Variants in ZNF131 observed in about 807,000 individuals in gnomAD.
ZNF131 encodes the protein zinc finger and BTB domain containing 35.
A neutral mutation model predicts 60.0 loss-of-function variants in ZNF131; 7 were observed. The ratio of observed to expected loss-of-function variants is 0.12; its 90% CI spans 0.07 to 0.22. The LOEUF (loss-of-function observed/expected upper bound fraction) is 0.22, where lower values mean the gene tolerates loss of function less well. Ranked by LOEUF, ZNF131 falls within the 10% of genes least tolerant of loss-of-function variation. ZNF131 has a pLI of 1.00. For missense variants in ZNF131, 493 were observed against 740.9 expected (o/e 0.67, Z 3.88); for synonymous variants, 257 against 253.2 (o/e 1.01, Z -0.14).
At chr5:43,128,994 T>G (rs1204987844) in intron 3 of ZNF131, among the ~76,000 whole-genome samples, 1 of 152,112 alleles carries the variant, frequency 6.6e-6, no homozygotes, top group Non-Finnish European at 1.5e-5. Flanking sequence ...TGCAGTGTGG[T>G]GTGATCTTGG....
chr5:43,174,101 G>A (rs1486975352), intron 6 of ZNF131, among the ~76,000 whole-genome samples: 4 of 152,274 alleles, frequency 2.6e-5, no homozygotes, highest in South Asian at 4.1e-4. Flanking sequence ...GGTGGCAGAT[G>A]CCTGTAATCC....
chr5:43,165,679 C>T (rs1402342094), intron 5 of ZNF131, among the ~76,000 whole-genome samples: 1 of 152,206 alleles, frequency 6.6e-6, no homozygotes, highest in Non-Finnish European at 1.5e-5. Context: ...TAATAAGATT[C>T]TTAGGGACCC....
intron 5 of ZNF131, among the ~76,000 whole-genome samples, chr5:43,169,196 T>A (rs1750690620): frequency 6.6e-6 from 1 of 152,220 alleles, no homozygotes; most frequent in Non-Finnish European, 1.5e-5. Context: ...GGGCTTTTCT[T>A]GTCTGTGTAA....
intron 4 of ZNF131, among the ~76,000 whole-genome samples, chr5:43,157,489 G>A (rs1749106324): frequency 6.6e-6 from 1 of 151,064 alleles, no homozygotes; most frequent in Non-Finnish European, 1.5e-5. Flanking sequence ...GGGCAGACAT[G>A]GTACCAGATT....
intron 5 of ZNF131, among the ~76,000 whole-genome samples, chr5:43,168,672 T>C (rs1429492879): frequency 6.6e-6 from 1 of 152,164 alleles, no homozygotes; most frequent in African/African-American, 2.4e-5. Context: ...TCTCATCAGA[T>C]TGATATTCTA....
chr5:43,138,529 GTAATCC>G, intron 3 of ZNF131, among the ~76,000 whole-genome samples: 1 of 152,324 alleles, frequency 6.6e-6, no homozygotes, highest in South Asian at 2.1e-4. Flanking sequence ...GTACATGCCT[GTAATCC>G]CAGCAGCTCG....
intron 5 of ZNF131, among the ~76,000 whole-genome samples, chr5:43,166,116 T>C (rs1750312269): frequency 6.6e-6 from 1 of 152,240 alleles, no homozygotes; most frequent in African/African-American, 2.4e-5. Context: ...AATGTTTGTT[T>C]CGTTTAATCT....
intron 3 of ZNF131, among the ~76,000 whole-genome samples, chr5:43,130,649 C>T (rs944492710): frequency 3.3e-5 from 5 of 152,024 alleles, no homozygotes; most frequent in African/African-American, 9.7e-5. Context: ...ACCGCAACCT[C>T]CGCCTCCCGG....
At chr5:43,126,589 A>G (rs1217652405) in intron 3 of ZNF131, among the ~76,000 whole-genome samples, 1 of 150,968 alleles carries the variant, frequency 6.6e-6, no homozygotes, top group African/African-American at 2.4e-5. Flanking sequence ...GAAAACTGGA[A>G]TTTTAGCTTC....
At chr5:43,138,392 G>C (rs971330428) in intron 3 of ZNF131, among the ~76,000 whole-genome samples, 5 of 152,100 alleles carry the variant, frequency 3.3e-5, no homozygotes, top group African/African-American at 1.2e-4. Flanking sequence ...GGTGGCTCAC[G>C]CCTGTAATCC....
intron 5 of ZNF131, among the ~76,000 whole-genome samples, chr5:43,164,324 C>T (rs568386008): frequency 5.3e-5 from 8 of 152,134 alleles, no homozygotes; most frequent in Non-Finnish European, 1.0e-4. Context: ...ACCAATCCCC[C>T]GCATATACCA....
rs904183288 is a variant in ZNF131, at chr5:43,147,066, T to G, written c.371+7757T>G. On this transcript the variant is annotated intron_variant, in intron 4 of 6. Transcript: ENST00000682664. ...ATCTGATTTTTATCACTAGTTTTTC[T>G]ATAGTGTACCGTACAAAGTTCATGT... is the stretch of plus-strand genomic sequence containing the variant. Among the ~76,000 whole-genome samples, 4 of 152,300 alleles carry G rather than the reference T, an allele frequency of 2.6e-5. No homozygotes were observed. The East Asian group carries it at 7.7e-4, about 29-fold the overall frequency.
At chr5:43,150,363 A>G (rs1234294941) in intron 4 of ZNF131, among the ~76,000 whole-genome samples, 3 of 152,230 alleles carry the variant, frequency 2.0e-5, no homozygotes, top group African/African-American at 7.2e-5. Flanking sequence ...TTTATAAGAC[A>G]TGCAGAAACA....
At chr5:43,166,141 T>A (rs1750315675) in intron 5 of ZNF131, among the ~76,000 whole-genome samples, 1 of 152,232 alleles carries the variant, frequency 6.6e-6, no homozygotes, top group Non-Finnish European at 1.5e-5. Context: ...TCCAGGTTAC[T>A]CACTCTTTCT....
chr5:43,172,987 G>A (rs1751191100), intron 5 of ZNF131: 1 of 176,118 alleles, frequency 5.7e-6, no homozygotes, highest in Admixed American at 5.8e-5. Context: ...AAAGGAAAAT[G>A]ATGCAATTCC....
intron 3 of ZNF131, among the ~76,000 whole-genome samples, chr5:43,135,430 A>C (rs574800153): frequency 6.6e-6 from 1 of 152,256 alleles, no homozygotes; most frequent in East Asian, 1.9e-4. Flanking sequence ...GGTGAGAGAC[A>C]TGCAATACTG....
rs570313526 is a variant in ZNF131 at position 43,130,264 on chromosome 5, C to CAAAAAAAAAAAAAAAAA, written c.226+6956_226+6972dup. 8.8e-5 allele frequency among the ~76,000 whole-genome samples: 6 copies of CAAAAAAAAAAAAAAAAA among 68,388 alleles called. 1 individual carries two copies. The highest frequency in any genetic ancestry group is 6.4e-4 in the East Asian group (1 of 1,564). 44.9% of individuals were successfully genotyped at this position (68,388 alleles called of 152,430 possible). ...GAGCGATAGAGTAAGACTCTGTCTC[C>CAAAAAAAAAAAAAAAAA]AAAAAAAAAAAAAAAAAAGAGGAAA... On this transcript the variant is annotated intron_variant, in intron 3 of 6. Transcript: ENST00000682664.
At chr5:43,147,491 C>T (rs950239218) in intron 4 of ZNF131, among the ~76,000 whole-genome samples, 1 of 151,582 alleles carries the variant, frequency 6.6e-6, no homozygotes, top group African/African-American at 2.4e-5. Flanking sequence ...GATCTCGGCT[C>T]ACTGCGAGCT....
At chr5:43,173,572 A>G (rs902917374) in intron 6 of ZNF131, 124 bp downstream of exon 6, 7 of 1,235,074 alleles carry the variant, frequency 5.7e-6, no homozygotes, top group African/African-American at 4.5e-5. Context: ...AGAAATGAGA[A>G]TAAAGAACAT....
Sources: gnomAD v4.1 joint callset for allele counts (sites outside exome capture counted in the v4.1 genomes callset) on GRCh38, gnomAD v4.1.1 for gene constraint, MANE v1.5 for transcripts, NCBI Gene and HGNC (gene_info 2026-07-23, HGNC 2026-07-21) for gene names.